The following VPS8 variants were observed in gnomAD, a reference collection of about 807,000 sequenced individuals.
The protein encoded by VPS8 is vacuolar protein sorting-associated protein 8 homolog.
VPS8 carries 129 observed loss-of-function variants against 216.4 expected under a neutral mutation model. That is an observed-to-expected ratio of 0.60 (90% confidence interval 0.52 to 0.69). The LOEUF is 0.69. Ranked by LOEUF, VPS8 falls within the 30% of genes least tolerant of loss-of-function variation. The pLI is 0.00. For missense variants in VPS8, 1,531 were observed against 1,683.5 expected, an observed-to-expected ratio of 0.91 and a Z score of 1.59; for synonymous variants, 571 against 565.4, an observed-to-expected ratio of 1.01 and a Z score of -0.14.
chr3:184,984,457 C>A (rs1002257740), intron 42 of VPS8, among the ~76,000 whole-genome samples: 1 of 151,734 alleles, frequency 6.6e-6, no homozygotes, highest in South Asian at 2.1e-4. Context: ...CCACGCCCAG[C>A]TGATTTTGTA....
At chr3:185,031,459 CAG>C (rs966623487) in intron 46 of VPS8, among the ~76,000 whole-genome samples, 3 of 152,254 alleles carry the variant, frequency 2.0e-5, no homozygotes, top group African/African-American at 4.8e-5. Flanking sequence ...AAAAAGGAAA[CAG>C]AGAACATGAT....
intron 22 of VPS8, among the ~76,000 whole-genome samples, chr3:184,889,647 C>T (rs1731971002): frequency 6.6e-6 from 1 of 152,012 alleles, no homozygotes; most frequent in African/African-American, 2.4e-5. Flanking sequence ...CCTAATTCTA[C>T]TCTTTGGGTT....
intron 46 of VPS8, among the ~76,000 whole-genome samples, chr3:185,034,748 T>A (rs1483591269): frequency 1.3e-5 from 2 of 152,158 alleles, no homozygotes; most frequent in African/African-American, 4.8e-5. Flanking sequence ...TTTGCATTTG[T>A]TGCAATTGCT....
intron 35 of VPS8, among the ~76,000 whole-genome samples, chr3:184,939,255 T>C (rs893866044): frequency 1.3e-5 from 2 of 151,954 alleles, no homozygotes; most frequent in Non-Finnish European, 1.5e-5. Context: ...GAGAAGAAAG[T>C]CATGTAAAAT....
At chr3:184,910,948 G>C (rs1374400932) in intron 25 of VPS8, among the ~76,000 whole-genome samples, 2 of 152,108 alleles carry the variant, frequency 1.3e-5, no homozygotes, top group Non-Finnish European at 2.9e-5. Context: ...TTACTGTAAG[G>C]GTGGGGGTGA....
chr3:184,916,416 AAGAC>A lies in VPS8; in HGVS notation c.2382+945_2382+948del, dbSNP rs201161895. Among the ~76,000 whole-genome samples, 825 of 152,348 alleles carry A rather than the reference AAGAC, an allele frequency of 5.4e-3. 3 individuals are homozygous for A. Among genetic ancestry groups the A allele is most frequent in the African/African-American group, 0.018 (756 of 41,576 alleles). On this transcript the variant is annotated intron_variant, in intron 28 of 47. Transcript: ENST00000625842. ...CATATACACAGTATTTGGAGAAAAA[AAGAC>A]AGGACGGAAATACACCTAAATATTA...
chr3:184,873,079 C>T (rs1728640832), intron 21 of VPS8, among the ~76,000 whole-genome samples: 1 of 152,112 alleles, frequency 6.6e-6, no homozygotes, highest in Non-Finnish European at 1.5e-5. Flanking sequence ...ATTTACTGAG[C>T]ACATACGATG....
intron 5 of VPS8, among the ~76,000 whole-genome samples, chr3:184,837,414 T>C (rs927427306): frequency 6.6e-6 from 1 of 152,250 alleles, no homozygotes; most frequent in Non-Finnish European, 1.5e-5. Flanking sequence ...GAGGTCTTAC[T>C]AGAGTTTTTG....
intron 46 of VPS8, among the ~76,000 whole-genome samples, chr3:185,041,322 G>A (rs1328538542): frequency 6.6e-6 from 1 of 151,944 alleles, no homozygotes; most frequent in Non-Finnish European, 1.5e-5. Flanking sequence ...TGTGGGTTTT[G>A]CGCTTGTTAA....
intron 28 of VPS8, among the ~76,000 whole-genome samples, chr3:184,915,998 C>CCTCCTTTCCTCCCTCT (rs1737497851): frequency 6.6e-6 from 1 of 152,076 alleles, no homozygotes; most frequent in African/African-American, 2.4e-5. Flanking sequence ...TCTATCCCTC[C>CCTCCTTTCCTCCCTCT]CTCCTTTCCT....
In VPS8 at chr3:184,869,504, G is replaced by A. The variant is rs1232878406; in HGVS notation, c.1620G>A (p.Lys540=). Residue 540 remains lysine (K), a synonymous_variant, in exon 20 of 48, where the codon AAG becomes AAA. Coordinates refer to ENST00000625842, the MANE Select transcript of VPS8 (RefSeq NM_001009921.3). Reference sequence around the variant, plus strand: ...CAGGATTATCAGGGGATGCCAGTAAGCGAAAGGCTATTGTTGCAGACCGGG... The same window carrying A: ...CAGGATTATCAGGGGATGCCAGTAAACGAAAGGCTATTGTTGCAGACCGGG... ...AVVGLSGDAS[K]RKAIVADRMV... is the part of the protein sequence containing the mutation. The A allele has an allele frequency of 4.3e-6, 7 of 1,613,504 alleles. No individual in the cohort carries two copies. The highest frequency in any genetic ancestry group is 5.9e-6 in the Non-Finnish European group (7 of 1,179,580).
At chr3:184,973,221 A>G (rs548570111) in intron 40 of VPS8, among the ~76,000 whole-genome samples, 1 of 152,338 alleles carries the variant, frequency 6.6e-6, no homozygotes, top group South Asian at 2.1e-4. Context: ...AAATTAAAAT[A>G]TATTCATCCT....
chr3:184,967,720 C>T (rs1003823738), intron 39 of VPS8, among the ~76,000 whole-genome samples: 1 of 151,790 alleles, frequency 6.6e-6, no homozygotes, highest in Non-Finnish European at 1.5e-5. Context: ...ACCTGTAGTC[C>T]CAGCTACTTG....
chr3:184,869,644 A>G, intron 20 of VPS8, 116 bp downstream of exon 20: 1 of 993,470 alleles, frequency 1.0e-6, no homozygotes, highest in East Asian at 2.6e-5. Context: ...AGTGTATTAA[A>G]AAACACACAC....
At chr3:185,032,163 TA>T (rs112652782) in intron 46 of VPS8, among the ~76,000 whole-genome samples, 2 of 148,088 alleles carry the variant, frequency 1.4e-5, no homozygotes, top group Non-Finnish European at 1.5e-5. Context: ...GATTTTGTCT[TA>T]AAAAAAAAAC....
intron 46 of VPS8, among the ~76,000 whole-genome samples, chr3:185,032,751 C>T (rs531727792): frequency 3.9e-5 from 6 of 152,202 alleles, no homozygotes; most frequent in Admixed American, 6.5e-5. Context: ...CTGCAAGCTC[C>T]GCCTCCCGGG....
Position 184,834,743 on chromosome 3 carries a change from G to A in VPS8, c.447+1G>A. 1 of 1,555,198 alleles carries A rather than the reference G, an allele frequency of 6.4e-7. No homozygotes were observed. The highest frequency in any genetic ancestry group is 8.7e-7 in the Non-Finnish European group (1 of 1,148,448). ...TTCTGCCCAGATAGTGTCTGCAGCT[G>A]TAAGTATTTTGTTCTTTTCCCTCAA... On this transcript the variant is annotated splice_donor_variant, in intron 5 of 47. Transcript: ENST00000625842. LOFTEE classifies it high-confidence loss of function.
intron 42 of VPS8, among the ~76,000 whole-genome samples, chr3:184,986,526 C>T (rs975277755): frequency 5.3e-5 from 8 of 152,164 alleles, no homozygotes; most frequent in African/African-American, 1.4e-4. Context: ...TGGTATTCCC[C>T]GTGCTCCTCT....
chr3:184,860,181 A>C, intron 15 of VPS8, 116 bp downstream of exon 15: 1 of 935,886 alleles, frequency 1.1e-6, no homozygotes, highest in Non-Finnish European at 1.6e-6. Context: ...GATCATATGA[A>C]ATATGGACAG....
Sources: allele counts gnomAD v4.1 joint callset (sites outside exome capture counted in the v4.1 genomes callset), GRCh38; gene constraint gnomAD v4.1.1; transcripts MANE v1.5; gene names NCBI Gene and HGNC (gene_info 2026-07-23, HGNC 2026-07-21).